NAV3: variants seen among roughly 807,000 people sequenced by gnomAD.
NAV3 encodes the protein neuron navigator 3.
NAV3 carries 87 observed loss-of-function variants against 244.7 expected under a neutral mutation model. The ratio of observed to expected loss-of-function variants is 0.36; its 90% CI spans 0.30 to 0.42. NAV3 has a LOEUF of 0.42. Among genes scored for constraint, NAV3 ranks in the 20% least tolerant of loss-of-function variants. The pLI is 1.00. For missense variants in NAV3, 2,663 were observed against 2,893.3 expected, an observed-to-expected ratio of 0.92 and a Z score of 1.83; for synonymous variants, 1,126 against 1,042.2, an observed-to-expected ratio of 1.08 and a Z score of -1.55.
chr12:77,955,751 T>G (rs185758377), intron 3 of NAV3, among the ~76,000 whole-genome samples: 154 of 152,188 alleles, frequency 1.0e-3, no homozygotes, highest in African/African-American at 3.4e-3. Context: ...ACACCTGTAG[T>G]CCTAGTTACC....
Position 78,200,608 on chromosome 12 carries a change from T to A in NAV3, c.6834+17T>A. 3.0e-6 allele frequency: 4 copies of A among 1,319,790 alleles called. No individual in the cohort carries two copies. The highest frequency in any genetic ancestry group is 1.5e-5 in the African/African-American group (1 of 66,934). 81.8% of individuals were successfully genotyped at this position (1,319,790 alleles called of 1,614,324 possible). ...GGTCTTCAGGTATAGTACTCAATTT[T>A]CATTGCTATTTTTTTTTAAAAAAAA... On this transcript the variant is annotated intron_variant, in intron 38 of 39. Transcript: ENST00000397909.
chr12:77,930,706 T>C (rs1888699839), intron 1 of NAV3, among the ~76,000 whole-genome samples: 2 of 152,220 alleles, frequency 1.3e-5, no homozygotes, highest in South Asian at 4.1e-4. Context: ...TTATTTTCAC[T>C]TCTGATAGCC....
At chr12:77,599,233 T>C (rs1043677875) in intron 2 of NAV3, among the ~76,000 whole-genome samples, 9 of 151,990 alleles carry the variant, frequency 5.9e-5, no homozygotes, top group African/African-American at 2.2e-4. Flanking sequence ...TATTCAATAT[T>C]CCATTGATAC....
In NAV3 at chr12:77,831,196, AGAGAGAGAGAGAGAGAGAGAGAAAG is replaced by A; in HGVS notation, c.-265_-241del. On this transcript the variant is annotated 5_prime_UTR_variant, in exon 1 of 40. Transcript: ENST00000397909. ...GAGAGAGAGAGAGAGAGAGAGAGAC[AGAGAGAGAGAGAGAGAGAGAGAAAG>A]AGAGAGAGAGAGAGAATGAGAATGA... 2.2e-4 allele frequency: 13 copies of A among 59,676 alleles called. No homozygotes were observed. The highest frequency in any genetic ancestry group is 4.1e-3 in the Middle Eastern group (1 of 246). 3.7% of individuals were successfully genotyped at this position (59,676 alleles called of 1,614,324 possible).
chr12:78,038,291 A>G (rs1044053207), intron 9 of NAV3, among the ~76,000 whole-genome samples: 5 of 152,196 alleles, frequency 3.3e-5, no homozygotes, highest in African/African-American at 7.2e-5. Context: ...TGGCCATATC[A>G]TATTTTATGT....
intron 1 of NAV3, among the ~76,000 whole-genome samples, chr12:77,930,840 A>G (rs1192772510): frequency 1.3e-5 from 2 of 152,156 alleles, no homozygotes; most frequent in Admixed American, 6.5e-5. Context: ...TTGAAAATCA[A>G]TTTCCTCCAG....
intron 9 of NAV3, among the ~76,000 whole-genome samples, chr12:78,043,237 C>T (rs569239250): frequency 1.4e-3 from 215 of 152,224 alleles, no homozygotes; most frequent in Admixed American, 2.4e-3. Context: ...TAGTTTCATC[C>T]ATGTCCCTGC....
chr12:78,086,259 A>T (rs761062291), intron 12 of NAV3, among the ~76,000 whole-genome samples: 3 of 152,056 alleles, frequency 2.0e-5, no homozygotes, highest in Non-Finnish European at 4.4e-5. Context: ...CTTTGTTTAC[A>T]TTTGTTTTAA....
intron 2 of NAV3, among the ~76,000 whole-genome samples, chr12:77,725,715 A>C (rs1876846828): frequency 1.3e-5 from 2 of 151,970 alleles, no homozygotes. Flanking sequence ...AATATCACAA[A>C]CTTGATGGCT....
At chr12:77,744,746 C>T (rs1395734621) in intron 2 of NAV3, among the ~76,000 whole-genome samples, 1 of 151,186 alleles carries the variant, frequency 6.6e-6, no homozygotes, top group Non-Finnish European at 1.5e-5. Flanking sequence ...TTGCCATAGT[C>T]TTTTAATGTG....
At chr12:77,795,705 G>C (rs973863883) in intron 2 of NAV3, among the ~76,000 whole-genome samples, 2 of 152,118 alleles carry the variant, frequency 1.3e-5, no homozygotes, top group Admixed American at 1.3e-4. Context: ...TGACTCTAAC[G>C]TTAAGGGCTG....
intron 12 of NAV3, among the ~76,000 whole-genome samples, chr12:78,098,988 T>A (rs992218482): frequency 6.7e-6 from 1 of 150,284 alleles, no homozygotes; most frequent in Non-Finnish European, 1.5e-5. Flanking sequence ...GGCACTGTCA[T>A]ATGGGTGGCA....
intron 2 of NAV3, among the ~76,000 whole-genome samples, chr12:77,792,012 G>A (rs1221519922): frequency 6.6e-6 from 1 of 152,178 alleles, no homozygotes; most frequent in Non-Finnish European, 1.5e-5. Flanking sequence ...TGGATATTGA[G>A]TGACAACTGT....
chr12:77,974,579 T>C (rs1297756958), intron 5 of NAV3, among the ~76,000 whole-genome samples: 1 of 152,186 alleles, frequency 6.6e-6, no homozygotes, highest in Non-Finnish European at 1.5e-5. Flanking sequence ...ATTATAGGCC[T>C]GAGCCATCAT....
intron 12 of NAV3, among the ~76,000 whole-genome samples, chr12:78,080,699 A>C (rs947753997): frequency 2.6e-5 from 4 of 152,222 alleles, no homozygotes; most frequent in Non-Finnish European, 5.9e-5. Context: ...GTGAGATAAT[A>C]GTGTTCAAAT....
intron 2 of NAV3, among the ~76,000 whole-genome samples, chr12:77,679,257 G>C (rs1470465544): frequency 6.6e-6 from 1 of 152,066 alleles, no homozygotes; most frequent in Non-Finnish European, 1.5e-5. Flanking sequence ...CCTCTACTAG[G>C]GCACTAACAG....
At chr12:78,052,639 G>C (rs1012881268) in intron 11 of NAV3, among the ~76,000 whole-genome samples, 13 of 151,858 alleles carry the variant, frequency 8.6e-5, no homozygotes, top group African/African-American at 3.1e-4. Flanking sequence ...CCAATTTTTG[G>C]TTGTTGTTAG....
chr12:77,708,570 A>T (rs1181951902), intron 2 of NAV3, among the ~76,000 whole-genome samples: 1 of 152,118 alleles, frequency 6.6e-6, no homozygotes, highest in Non-Finnish European at 1.5e-5. Flanking sequence ...TGAACTTTAA[A>T]GTAGTTTTTT....
In NAV3 at chr12:77,779,267, C is replaced by T. The variant is rs1262182067; in HGVS notation, c.73-161052C>T. 3.3e-5 allele frequency among the ~76,000 whole-genome samples: 5 copies of T among 152,306 alleles called. 1 individual carries two copies. Among genetic ancestry groups the T allele is most frequent in the Admixed American group, 2.0e-4 (3 of 15,300 alleles). On this transcript the variant is annotated intron_variant, in intron 2 of 8. Coordinates refer to the NAV3 transcript ENST00000550042. The stretch of plus-strand genomic sequence containing the variant: ...AATCAAAATTTTGGCTTCTGCACAT[C>T]GGTTGGGTGAAACCAGCACTGAAAT...
Sources: gnomAD v4.1 joint callset for allele counts (sites outside exome capture counted in the v4.1 genomes callset) on GRCh38, gnomAD v4.1.1 for gene constraint, MANE v1.5 for transcripts, NCBI Gene and HGNC (gene_info 2026-07-23, HGNC 2026-07-21) for gene names.